The following SCN8A variants were observed in gnomAD, a reference collection of about 807,000 sequenced individuals.
SCN8A encodes the protein sodium voltage-gated channel alpha subunit 8.
SCN8A carries 30 observed loss-of-function variants against 184.1 expected under a neutral mutation model. The ratio of observed to expected loss-of-function variants is 0.16; its 90% confidence interval spans 0.12 to 0.22. The LOEUF is 0.22. SCN8A is among the 10% of genes least tolerant of loss of function. SCN8A has a pLI of 1.00. For synonymous variants in SCN8A, 852 were observed against 907.0 expected, an observed-to-expected ratio of 0.94 and a Z score of 1.09; for missense variants, 1,057 against 2,498.9, an observed-to-expected ratio of 0.42 and a Z score of 12.30.
intron 2 of SCN8A, among the ~76,000 whole-genome samples, chr12:51,672,562 A>G (rs1941151837): frequency 6.6e-6 from 1 of 152,046 alleles, no homozygotes; most frequent in African/African-American, 2.4e-5. Flanking sequence ...TCCCTGGATG[A>G]TCTCATCCAG....
Position 51,721,692 on chromosome 12 carries a change from C to T in SCN8A, c.1782C>T (p.Ser594=). The stretch of plus-strand genomic sequence containing the variant: ...ACGAGCACAGCACGGTGGAGGAGAG[C>T]GAGGGCCGCCGGGACTCCCTCTTCA... ...ADDEHSTVEE[S]EGRRDSLFIP... is the part of the protein sequence containing the mutation. The change falls in exon 12 of 27, where the codon AGC becomes AGT. Residue 594 remains serine (S), a synonymous_variant. Transcript: ENST00000627620. The T allele has an allele frequency of 6.3e-7, 1 of 1,590,400 alleles. No individual in the cohort carries two copies. The highest frequency in any genetic ancestry group is 8.6e-7 in the Non-Finnish European group (1 of 1,168,584).
chr12:51,688,316 G>C lies in SCN8A; in HGVS notation c.615-689G>C, dbSNP rs146046550. Among the ~76,000 whole-genome samples the C allele has an allele frequency of 2.4e-4, 37 of 152,308 alleles. 1 individual carries two copies. The East Asian group carries it at 6.9e-3, about 29-fold the overall frequency. On this transcript the variant is annotated intron_variant, in intron 5 of 26. Transcript: ENST00000627620. ...AACTCCTGATTAAGTCATATATACA[G>C]ACATTTAGTCAATTTTGCCATTGTC...
At chr12:51,715,838 C>G (rs999921571) in intron 11 of SCN8A, among the ~76,000 whole-genome samples, 1 of 152,066 alleles carries the variant, frequency 6.6e-6, no homozygotes, top group Non-Finnish European at 1.5e-5. Flanking sequence ...GCAGTGACCC[C>G]GTGCAGGTGT....
At chr12:51,742,450 A>G (rs984918714) in intron 12 of SCN8A, among the ~76,000 whole-genome samples, 11 of 151,914 alleles carry the variant, frequency 7.2e-5, no homozygotes, top group African/African-American at 2.4e-4. Context: ...CTTGAAGGAT[A>G]TTTTTGCCGG....
intron 12 of SCN8A, among the ~76,000 whole-genome samples, chr12:51,739,066 T>C (rs1942376220): frequency 6.6e-6 from 1 of 152,234 alleles, no homozygotes; most frequent in South Asian, 2.1e-4. Context: ...TGTTTTCCTT[T>C]TTTTATATGT....
chr12:51,632,892 T>A (rs1196249404), intron 1 of SCN8A, among the ~76,000 whole-genome samples: 1 of 150,748 alleles, frequency 6.6e-6, no homozygotes, highest in Non-Finnish European at 1.5e-5. Context: ...CATTATTCTG[T>A]TTCCTCCGTG....
chr12:51,801,827 G>C (rs1362128452), intron 26 of SCN8A, among the ~76,000 whole-genome samples: 2 of 152,150 alleles, frequency 1.3e-5, no homozygotes, highest in Non-Finnish European at 2.9e-5. Context: ...GGCTGAGGGG[G>C]GCGGATCACT....
intron 1 of SCN8A, among the ~76,000 whole-genome samples, chr12:51,657,378 T>A (rs1056314586): frequency 6.6e-6 from 1 of 152,282 alleles, no homozygotes. Context: ...GTTTCCCTGA[T>A]GATAAGTGAT....
chr12:51,710,230 G>T (rs1482765500), intron 11 of SCN8A, among the ~76,000 whole-genome samples: 3 of 151,996 alleles, frequency 2.0e-5, no homozygotes, highest in African/African-American at 7.2e-5. Context: ...CCCTTAGTAC[G>T]GTTACAACCT....
rs376804300 is a variant in SCN8A, at chr12:51,604,477, TTTTG to T, written c.-55+13138_-55+13141del. ...CACGGTCTCTTTTTTCCCCAGGTTTTTTTGTTTGTTTGTTTGTTTGTTTTTTGTT... is the reference window on the plus strand; with the variant it reads ...CACGGTCTCTTTTTTCCCCAGGTTTTTTTGTTTGTTTGTTTGTTTTTTGTT... On this transcript the variant is annotated intron_variant, in intron 1 of 26. Coordinates refer to ENST00000627620, the MANE Select transcript of SCN8A (RefSeq NM_001330260.2). 3.3e-3 allele frequency among the ~76,000 whole-genome samples: 497 copies of T among 152,172 alleles called. 4 individuals carry two copies. Among genetic ancestry groups the T allele is most frequent in the African/African-American group, 0.011 (457 of 41,532 alleles).
At chr12:51,703,011 A>G in intron 9 of SCN8A, 97 bp downstream of exon 9, 2 of 1,140,080 alleles carry the variant, frequency 1.8e-6, no homozygotes, top group Non-Finnish European at 2.4e-6. Flanking sequence ...AAGACATTAT[A>G]CAAGATCTAA....
At chr12:51,637,950 G>GC (rs1940355169) in intron 1 of SCN8A, among the ~76,000 whole-genome samples, 1 of 152,114 alleles carries the variant, frequency 6.6e-6, no homozygotes, top group Non-Finnish European at 1.5e-5. Flanking sequence ...CCTGTTAGGA[G>GC]CTAATGCAGC....
intron 1 of SCN8A, among the ~76,000 whole-genome samples, chr12:51,625,435 C>T (rs752556405): frequency 3.9e-4 from 59 of 152,200 alleles, no homozygotes; most frequent in Non-Finnish European, 7.6e-4. Context: ...GACGTTGTTG[C>T]TTCCAGTTTT....
chr12:51,687,096 C>T lies in SCN8A; in HGVS notation c.491C>T (p.Thr164Met), dbSNP rs775272996. Residue 164 changes from threonine (T) to methionine (M), a missense_variant, in exon 5 of 27, where the codon ACG becomes ATG. Coordinates refer to ENST00000627620, the MANE Select transcript of SCN8A (RefSeq NM_001330260.2). ...GCTATTCATTTCTTTGACAGGTACA[C>T]GTTCACAGGGATTTATACATTTGAA... ...PPDWSKNVEY[T>M]FTGIYTFESL... 3.9e-5 allele frequency: 63 copies of T among 1,613,174 alleles called. No homozygotes were observed. The highest frequency in any genetic ancestry group is 4.3e-5 in the Non-Finnish European group (51 of 1,179,434).
At chr12:51,759,244 T>C (rs1024332777) in intron 14 of SCN8A, among the ~76,000 whole-genome samples, 12 of 151,544 alleles carry the variant, frequency 7.9e-5, no homozygotes, top group Admixed American at 4.6e-4. Flanking sequence ...AATGAAAATA[T>C]ATATATAAGG....
intron 26 of SCN8A, among the ~76,000 whole-genome samples, chr12:51,799,439 A>T (rs2138928671): frequency 6.6e-6 from 1 of 152,330 alleles, no homozygotes; most frequent in South Asian, 2.1e-4. Flanking sequence ...GTAACAGGCC[A>T]AGAGCCGTCC....
intron 1 of SCN8A, among the ~76,000 whole-genome samples, chr12:51,596,374 C>T (rs972379821): frequency 1.3e-5 from 2 of 152,100 alleles, no homozygotes; most frequent in African/African-American, 4.8e-5. Flanking sequence ...AACTGAGTAT[C>T]GAAGAGCTTA....
intron 12 of SCN8A, among the ~76,000 whole-genome samples, chr12:51,742,855 T>C (rs1320699222): frequency 6.6e-6 from 1 of 152,168 alleles, no homozygotes; most frequent in Non-Finnish European, 1.5e-5. Context: ...TTTGAGGCTA[T>C]TTGCTAGATC....
intron 21 of SCN8A, among the ~76,000 whole-genome samples, chr12:51,781,594 G>A (rs1461965274): frequency 6.6e-6 from 1 of 152,124 alleles, no homozygotes; most frequent in Non-Finnish European, 1.5e-5. Flanking sequence ...GTGCCTTCTT[G>A]GTGCCATTTT....
Sources: gnomAD v4.1 joint callset for allele counts (sites outside exome capture counted in the v4.1 genomes callset) on GRCh38, gnomAD v4.1.1 for gene constraint, MANE v1.5 for transcripts, NCBI Gene and HGNC (gene_info 2026-07-23, HGNC 2026-07-21) for gene names.